PTP4A3: variants seen among roughly 807,000 people sequenced by gnomAD.
The protein encoded by PTP4A3 is protein tyrosine phosphatase type IVA 3.
A neutral mutation model predicts 15.2 loss-of-function variants in PTP4A3; 9 were observed. The ratio of observed to expected loss-of-function variants is 0.59; its 90% confidence interval spans 0.36 to 1.03. The LOEUF is 1.03. Among genes scored for constraint, PTP4A3 ranks in the 50% least tolerant of loss-of-function variants. The pLI, the probability that PTP4A3 is intolerant of heterozygous loss-of-function variation, is 0.02. For synonymous variants in PTP4A3, 95 were observed against 102.0 expected, an observed-to-expected ratio of 0.93 and a Z score of 0.41; for missense variants, 234 against 252.1, an observed-to-expected ratio of 0.93 and a Z score of 0.49.
At position 141,422,016 on chromosome 8, in the gene PTP4A3, T is replaced by G. The variant is rs1053839135; in HGVS notation, c.-225T>G. 2 of 503,950 alleles carry G rather than the reference T, an allele frequency of 4.0e-6. No individual in the cohort carries two copies. The highest frequency in any genetic ancestry group is 7.0e-6 in the Non-Finnish European group (2 of 287,700). The allele number at this position is 503,950 out of a possible 1,614,324, so 31.2% of individuals were successfully genotyped here. On this transcript the variant is annotated 5_prime_UTR_variant, in exon 2 of 6. Transcript: ENST00000521578. Reference sequence around the variant, plus strand: ...CCTTTTCTTTTTTAAGAGTTGGGTTTTCTTTTTTAATTATCCAAACAGTGG... The same window carrying G: ...CCTTTTCTTTTTTAAGAGTTGGGTTGTCTTTTTTAATTATCCAAACAGTGG...
At chr8:141,420,283 G>A (rs1008023625) in intron 1 of PTP4A3, among the ~76,000 whole-genome samples, 1 of 152,188 alleles carries the variant, frequency 6.6e-6, no homozygotes, top group Admixed American at 6.5e-5. Flanking sequence ...CTGGGTCACA[G>A]CCAGGGCCAG....
chr8:141,400,435 C>T (rs1472704532), intron 1 of PTP4A3, among the ~76,000 whole-genome samples: 2 of 152,250 alleles, frequency 1.3e-5, no homozygotes. Flanking sequence ...ACCGTGCCGG[C>T]CTCGGGTGCT....
intron 1 of PTP4A3, among the ~76,000 whole-genome samples, chr8:141,399,818 C>T (rs2129818171): frequency 6.6e-6 from 1 of 152,340 alleles, no homozygotes; most frequent in South Asian, 2.1e-4. Flanking sequence ...TTGGGGCAGG[C>T]TGGGGACGTG....
At chr8:141,429,490 G>A (rs528707356) in intron 5 of PTP4A3, among the ~76,000 whole-genome samples, 1 of 151,780 alleles carries the variant, frequency 6.6e-6, no homozygotes, top group South Asian at 2.1e-4. Context: ...ACCAGGTGGC[G>A]GGGCAGGGTG....
chr8:141,413,495 C>T (rs1832923559), intron 1 of PTP4A3, among the ~76,000 whole-genome samples: 1 of 152,218 alleles, frequency 6.6e-6, no homozygotes, highest in Admixed American at 6.5e-5. Flanking sequence ...GCACAATTTC[C>T]GACCCAACAC....
In PTP4A3 at chr8:141,422,338, T is replaced by G; in HGVS notation, c.98T>G (p.Phe33Cys). 6.2e-7 allele frequency: 1 copy of G among 1,613,324 alleles called. No individual in the cohort carries two copies. Among genetic ancestry groups the G allele is most frequent in the South Asian group, 1.1e-5 (1 of 91,076 alleles). Residue 33 changes from phenylalanine to cysteine, a missense_variant, in exon 2 of 6, where the codon TTC becomes TGC. Phe to Cys is a radical substitution (Grantham distance 205). Coordinates refer to ENST00000521578, the MANE Select transcript of PTP4A3 (RefSeq NM_032611.3). The stretch of plus-strand genomic sequence containing the variant: ...CCCACCAACGCCACGCTCAGCACCT[T>G]CATTGAGGTGAGTGGAGACGGAGGT... ...HNPTNATLST[F>C]IEDLKKYGAT...
intron 1 of PTP4A3, among the ~76,000 whole-genome samples, chr8:141,393,328 T>C (rs1832346132): frequency 6.6e-6 from 1 of 152,064 alleles, no homozygotes; most frequent in Non-Finnish European, 1.5e-5. Flanking sequence ...GTCACCTGAG[T>C]GGAATTAGGC....
chr8:141,404,528 C>T (rs1430956042), intron 1 of PTP4A3, among the ~76,000 whole-genome samples: 1 of 152,238 alleles, frequency 6.6e-6, no homozygotes, highest in Non-Finnish European at 1.5e-5. Flanking sequence ...AAGCCTTTCT[C>T]CTCGTGAGCT....
chr8:141,419,767 T>TG (rs1304189446), intron 1 of PTP4A3, among the ~76,000 whole-genome samples: 1 of 152,004 alleles, frequency 6.6e-6, no homozygotes, highest in Admixed American at 6.6e-5. Context: ...TTAGTAGAGA[T>TG]GGGGTTTCTC....
intron 5 of PTP4A3, among the ~76,000 whole-genome samples, chr8:141,429,622 C>T (rs1013821709): frequency 5.4e-5 from 8 of 148,424 alleles, no homozygotes; most frequent in Non-Finnish European, 1.0e-4. Context: ...CCCACGTCCC[C>T]GCTGTAAGGA....
chr8:141,427,170 G>C (rs973381760), intron 4 of PTP4A3, 101 bp downstream of exon 4: 7 of 1,502,420 alleles, frequency 4.7e-6, no homozygotes, highest in Non-Finnish European at 6.2e-6. Flanking sequence ...ACACGTCCAC[G>C]CGACCTTCCC....
intron 1 of PTP4A3, chr8:141,392,702 G>T (rs1832322018): frequency 6.6e-6 from 1 of 152,270 alleles, no homozygotes; most frequent in Non-Finnish European, 1.5e-5. Context: ...GGATTAAACG[G>T]GTGACTCCTG....
At chr8:141,414,338 A>G (rs1487428724) in intron 1 of PTP4A3, among the ~76,000 whole-genome samples, 1 of 151,786 alleles carries the variant, frequency 6.6e-6, no homozygotes, top group Non-Finnish European at 1.5e-5. Context: ...AAAGGGGCCG[A>G]GTGTGGCCCT....
chr8:141,410,082 G>A (rs117729032), intron 1 of PTP4A3, among the ~76,000 whole-genome samples: 3,338 of 152,318 alleles, frequency 0.022, 68 homozygotes, highest in Non-Finnish European at 0.034. Context: ...CCCCTGCTGC[G>A]GACGGTCACC....
At chr8:141,408,554 G>T (rs1443114920) in intron 1 of PTP4A3, among the ~76,000 whole-genome samples, 1 of 151,646 alleles carries the variant, frequency 6.6e-6, no homozygotes, top group Non-Finnish European at 1.5e-5. Flanking sequence ...GGGGGCGGAG[G>T]TTGCAGTGAG....
chr8:141,418,391 C>T (rs538241514), intron 1 of PTP4A3, among the ~76,000 whole-genome samples: 1 of 152,340 alleles, frequency 6.6e-6, no homozygotes, highest in Non-Finnish European at 1.5e-5. Flanking sequence ...CTGTGCAGGG[C>T]GCTGCGTGTT....
At chr8:141,422,693 C>T (rs1401131520) in intron 2 of PTP4A3, among the ~76,000 whole-genome samples, 1 of 152,170 alleles carries the variant, frequency 6.6e-6, no homozygotes, top group African/African-American at 2.4e-5. Flanking sequence ...TGGGCTGGGG[C>T]CCTCCCGAGC....
chr8:141,426,889 C>T, intron 3 of PTP4A3, 50 bp from the exon 4 acceptor site: 3 of 1,587,802 alleles, frequency 1.9e-6, no homozygotes, highest in Non-Finnish European at 2.6e-6. Flanking sequence ...CCAGAGCCGC[C>T]TCTCTACCCT....
rs1002170568 is a variant in PTP4A3 at position 141,431,285 on chromosome 8, C to T, written c.*241C>T. ...CGCCACTCCCTCTGGCGGCGCTGGC[C>T]GTGGCTCTGTCTCTCTGAGGTGGGT... On this transcript the variant is annotated 3_prime_UTR_variant, in exon 6 of 6. Coordinates refer to ENST00000521578, the MANE Select transcript of PTP4A3 (RefSeq NM_032611.3). 43 of 559,362 alleles carry T rather than the reference C, an allele frequency of 7.7e-5. No homozygotes were observed. Among genetic ancestry groups the T allele is most frequent in the Admixed American group, 4.5e-4 (14 of 30,788 alleles). 34.6% of individuals were successfully genotyped at this position (559,362 alleles called of 1,614,324 possible). A position where few individuals can be genotyped will look rare whatever the true frequency, so the allele number is the denominator to read the frequency against.
Sources: allele counts gnomAD v4.1 joint callset (sites outside exome capture counted in the v4.1 genomes callset), GRCh38; gene constraint gnomAD v4.1.1; transcripts MANE v1.5; gene names NCBI Gene and HGNC (gene_info 2026-07-23, HGNC 2026-07-21).